The following GFPT1 variants were observed in gnomAD, a reference collection of about 807,000 sequenced individuals.
GFPT1 encodes glutamine--fructose-6-phosphate transaminase 1, also known as glutamine--fructose-6-phosphate aminotransferase [isomerizing] 1.
GFPT1 carries 40 observed loss-of-function variants against 92.0 expected under a neutral mutation model. The observed-to-expected ratio is 0.43, with a 90% CI of 0.34 to 0.57. GFPT1 has a LOEUF of 0.57. Ranked by LOEUF, GFPT1 falls within the 20% of genes least tolerant of loss-of-function variation. The probability of loss-of-function intolerance (pLI) is 0.02; values close to 1 mark genes in which losing one functional copy is unlikely to be tolerated. For synonymous variants in GFPT1, 269 were observed against 280.6 expected (o/e 0.96, Z 0.41); for missense variants, 448 against 869.1 (o/e 0.52, Z 6.09).
At chr2:69,376,253 G>A (rs1255992794) in intron 1 of GFPT1, among the ~76,000 whole-genome samples, 1 of 152,236 alleles carries the variant, frequency 6.6e-6, no homozygotes, top group Non-Finnish European at 1.5e-5. Context: ...GCTCACGCCT[G>A]TAATCCCAAC....
At chr2:69,327,604 T>C (rs925375538) in intron 18 of GFPT1, among the ~76,000 whole-genome samples, 1 of 152,140 alleles carries the variant, frequency 6.6e-6, no homozygotes, top group African/African-American at 2.4e-5. Context: ...CCAGAGTAGC[T>C]GGGACTACAG....
chr2:69,329,273 C>CTAA, intron 17 of GFPT1, 24 bp downstream of exon 17: 1 of 1,609,638 alleles, frequency 6.2e-7, no homozygotes, highest in Non-Finnish European at 8.5e-7. Flanking sequence ...TGGACTGATA[C>CTAA]TAATTAGAAC....
chr2:69,387,024 G>T (rs1478861599), intron 1 of GFPT1, 41 bp downstream of exon 1: 1 of 1,463,454 alleles, frequency 6.8e-7, no homozygotes. Flanking sequence ...CCGCACCCCA[G>T]CGCCACCCGG....
In GFPT1 at chr2:69,350,183, C is replaced by T; in HGVS notation, c.740G>A (p.Gly247Asp). The change falls in exon 10 of 20, where the codon GGC becomes GAC. Residue 247 changes from glycine to aspartate, a missense_variant and splice_region_variant. Gly to Asp is a moderately conservative substitution (Grantham distance 94). This residue lies in a region of GFPT1 where 118 missense variants were observed against 192.9 expected (regional missense o/e 0.61). Coordinates refer to ENST00000357308, the MANE Select transcript of GFPT1 (RefSeq NM_001244710.2). ...FTRWGSQGER[G>D]KDKKGSCNLS... ...ATTGCAGCTTCCTTTCTTGTCTTTG[C>T]CTAAAGCATATAGTTAACATGAATT... The T allele has an allele frequency of 6.2e-7, 1 of 1,603,172 alleles. No homozygotes were observed. The highest frequency in any genetic ancestry group is 8.5e-7 in the Non-Finnish European group (1 of 1,170,224).
Position 69,324,392 on chromosome 2 carries a change from A to G in GFPT1, c.*1797T>C, listed in dbSNP as rs1032886884. 1 of 152,354 alleles carries G rather than the reference A, an allele frequency of 6.6e-6. No individual in the cohort carries two copies. Among genetic ancestry groups the G allele is most frequent in the Admixed American group, 6.5e-5 (1 of 15,302 alleles). The allele number at this position is 152,354 out of a possible 1,614,324, so 9.4% of individuals were successfully genotyped here. ...AACGTTAATATACAAAACATAAGAAATGACACTATACACACGCTAGCTGAC... is the reference window on the plus strand; with the variant it reads ...AACGTTAATATACAAAACATAAGAAGTGACACTATACACACGCTAGCTGAC... On this transcript the variant is annotated 3_prime_UTR_variant, in exon 20 of 20. Coordinates refer to ENST00000357308, the MANE Select transcript of GFPT1 (RefSeq NM_001244710.2).
At chr2:69,339,715 T>C (rs1670889744) in intron 13 of GFPT1, among the ~76,000 whole-genome samples, 1 of 152,204 alleles carries the variant, frequency 6.6e-6, no homozygotes, top group South Asian at 2.1e-4. Flanking sequence ...TCATAGCCCT[T>C]AACTTTTGCT....
chr2:69,350,003 A>T, intron 10 of GFPT1, 75 bp downstream of exon 10: 1 of 978,128 alleles, frequency 1.0e-6, no homozygotes. Flanking sequence ...AGACTGATAC[A>T]CAATGACTTC....
At position 69,338,163 on chromosome 2, in the gene GFPT1, A is replaced by G. The variant is rs555675508; in HGVS notation, c.1325-108T>C. On this transcript the variant is annotated intron_variant, in intron 14 of 19. Coordinates refer to ENST00000357308, the MANE Select transcript of GFPT1 (RefSeq NM_001244710.2). The stretch of plus-strand genomic sequence containing the variant: ...ACTTTCAACAATATTACTTGTTTTA[A>G]ATAAAATACAAAACATCCACTTAAT... 253 of 1,004,940 alleles carry G rather than the reference A, an allele frequency of 2.5e-4. 1 individual carries two copies. Among genetic ancestry groups the G allele is most frequent in the African/African-American group, 2.5e-3 (157 of 62,584 alleles). The allele number at this position is 1,004,940 out of a possible 1,614,324, so 62.3% of individuals were successfully genotyped here. A position where few individuals can be genotyped will look rare whatever the true frequency, so the allele number is the denominator to read the frequency against.
intron 3 of GFPT1, among the ~76,000 whole-genome samples, chr2:69,365,209 G>C (rs568930390): frequency 6.6e-6 from 1 of 152,198 alleles, no homozygotes; most frequent in South Asian, 2.1e-4. Flanking sequence ...CGAGCACCAC[G>C]GCTCATGCCT....
At chr2:69,379,864 C>T (rs1192867576) in intron 1 of GFPT1, among the ~76,000 whole-genome samples, 2 of 151,930 alleles carry the variant, frequency 1.3e-5, no homozygotes, top group East Asian at 3.9e-4. Context: ...GGATTACAGA[C>T]GTAAGCTACC....
chr2:69,331,619 T>C (rs944187816), intron 15 of GFPT1, among the ~76,000 whole-genome samples: 1 of 152,182 alleles, frequency 6.6e-6, no homozygotes, highest in Non-Finnish European at 1.5e-5. Flanking sequence ...TGCATTTTTT[T>C]CATTACTGTT....
Position 69,348,351 on chromosome 2 carries a change from G to A in GFPT1, c.846-17C>T, listed in dbSNP as rs778736909. On this transcript the variant is annotated splice_polypyrimidine_tract_variant and intron_variant, in intron 10 of 19. Coordinates refer to ENST00000357308, the MANE Select transcript of GFPT1 (RefSeq NM_001244710.2). ...ATGACAGCACTATAAAGTTTTCAAG[G>A]AGATATTACAATCGATAACCAAGGA... is the stretch of plus-strand genomic sequence containing the variant. The A allele has an allele frequency of 4.4e-6, 7 of 1,589,824 alleles. No individual in the cohort carries two copies. The highest frequency in any genetic ancestry group is 6.0e-6 in the Non-Finnish European group (7 of 1,158,012).
intron 1 of GFPT1, among the ~76,000 whole-genome samples, chr2:69,378,574 C>T (rs1243081651): frequency 6.6e-6 from 1 of 152,186 alleles, no homozygotes; most frequent in Admixed American, 6.5e-5. Flanking sequence ...GACAAAAAAG[C>T]AATTATGAGC....
At chr2:69,385,291 T>C (rs1194430302) in intron 1 of GFPT1, among the ~76,000 whole-genome samples, 1 of 152,168 alleles carries the variant, frequency 6.6e-6, no homozygotes, top group African/African-American at 2.4e-5. Context: ...AATGGCGCGA[T>C]CCCGGCTCAC....
Position 69,328,257 on chromosome 2 carries a change from G to A in GFPT1, c.1893+14C>T, listed in dbSNP as rs200000983. On this transcript the variant is annotated intron_variant, in intron 18 of 19. Transcript: ENST00000357308. ...CTTTGATCCCCAAGGTGTTCTCACA[G>A]TCCCCCGACTTACCTGCCGAGCAAC... is the stretch of plus-strand genomic sequence containing the variant. 6.2e-7 allele frequency: 1 copy of A among 1,607,472 alleles called. No individual in the cohort carries two copies. The highest frequency in any genetic ancestry group is 2.2e-5 in the East Asian group (1 of 44,866).
At chr2:69,362,752 G>A (rs914451080) in intron 4 of GFPT1, among the ~76,000 whole-genome samples, 1 of 151,966 alleles carries the variant, frequency 6.6e-6, no homozygotes, top group East Asian at 1.9e-4. Flanking sequence ...AGCCGATATC[G>A]CACCACTGCA....
At chr2:69,370,460 G>C (rs1395036124) in intron 2 of GFPT1, among the ~76,000 whole-genome samples, 2 of 152,222 alleles carry the variant, frequency 1.3e-5, no homozygotes, top group South Asian at 2.1e-4. Flanking sequence ...GGTAGCTAAG[G>C]AAAGAAGGTC....
chr2:69,380,986 CTTTT>C (rs1181182952), intron 1 of GFPT1, among the ~76,000 whole-genome samples: 2 of 145,200 alleles, frequency 1.4e-5, no homozygotes, highest in Non-Finnish European at 1.5e-5. Context: ...GAATTAAAGT[CTTTT>C]TTTTTTTTAG....
chr2:69,370,872 T>C (rs376671897), intron 2 of GFPT1, among the ~76,000 whole-genome samples: 6 of 151,892 alleles, frequency 4.0e-5, no homozygotes, highest in African/African-American at 1.2e-4. Flanking sequence ...AGAGTGGGCA[T>C]GCCTGTAATC....
Sources: allele counts gnomAD v4.1 joint callset (sites outside exome capture counted in the v4.1 genomes callset), GRCh38; gene constraint gnomAD v4.1.1; regional missense constraint gnomAD v4.1.1; transcripts MANE v1.5; gene names NCBI Gene and HGNC (gene_info 2026-07-23, HGNC 2026-07-21).